BMP2K: variants seen among roughly 807,000 people sequenced by gnomAD.
The protein encoded by BMP2K is BMP-2-inducible protein kinase.
A neutral mutation model predicts 116.0 loss-of-function variants in BMP2K; 74 were observed. The ratio of observed to expected loss-of-function variants is 0.64; its 90% CI spans 0.53 to 0.77. The LOEUF (loss-of-function observed/expected upper bound fraction) is 0.77. Among genes scored for constraint, BMP2K ranks in the 30% least tolerant of loss-of-function variants. The pLI, the probability that BMP2K is intolerant of heterozygous loss-of-function variation, is 0.00. For missense variants in BMP2K, 1,365 were observed against 1,403.6 expected, an observed-to-expected ratio of 0.97 and a Z score of 0.44; for synonymous variants, 486 against 502.5, an observed-to-expected ratio of 0.97 and a Z score of 0.44.
At chr4:78,783,926 A>C (rs1364111848) in intron 1 of BMP2K, among the ~76,000 whole-genome samples, 1 of 152,232 alleles carries the variant, frequency 6.6e-6, no homozygotes, top group African/African-American at 2.4e-5. Flanking sequence ...TGACATTCTC[A>C]TGCTGGGCAG....
At chr4:78,859,281 T>C (rs1005797657) in intron 7 of BMP2K, 2 of 211,370 alleles carry the variant, frequency 9.5e-6, no homozygotes, top group African/African-American at 4.6e-5. Flanking sequence ...CTTGAATAAT[T>C]CCCCAGTGTT....
chr4:78,900,225 G>T (rs2110093279), intron 15 of BMP2K, among the ~76,000 whole-genome samples: 1 of 152,236 alleles, frequency 6.6e-6, no homozygotes, highest in Admixed American at 6.5e-5. Context: ...TTCTCTTTAA[G>T]AATACAGTGT....
chr4:78,838,015 G>A (rs572894541), intron 3 of BMP2K, among the ~76,000 whole-genome samples: 3 of 152,212 alleles, frequency 2.0e-5, no homozygotes, highest in South Asian at 2.1e-4. Flanking sequence ...AGACGTACTC[G>A]AGACAGGGCA....
At chr4:78,885,982 T>A (rs1733058081) in intron 14 of BMP2K, among the ~76,000 whole-genome samples, 1 of 152,180 alleles carries the variant, frequency 6.6e-6, no homozygotes, top group Non-Finnish European at 1.5e-5. Flanking sequence ...AATGTGTTAT[T>A]GACTGTTATA....
chr4:78,850,938 A>G lies in BMP2K; in HGVS notation c.765A>G (p.Leu255=). Reference sequence around the variant, plus strand: ...TTGGTTTACAGGCACTGGGATGTCTACTCTATAAACTTTGTTTCTTCACTC... The same window carrying G: ...TTGGTTTACAGGCACTGGGATGTCTGCTCTATAAACTTTGTTTCTTCACTC... ...TKADIWALGC[L]LYKLCFFTLP... is the part of the protein sequence containing the mutation. Residue 255 remains leucine (L), a synonymous_variant, in exon 7 of 16, where the codon CTA becomes CTG. Coordinates refer to ENST00000502613, the MANE Select transcript of BMP2K (RefSeq NM_198892.2). 6.2e-7 allele frequency: 1 copy of G among 1,611,692 alleles called. No homozygotes were observed. The highest frequency in any genetic ancestry group is 8.5e-7 in the Non-Finnish European group (1 of 1,178,580).
intron 13 of BMP2K, among the ~76,000 whole-genome samples, chr4:78,877,468 A>G (rs1446532031): frequency 2.0e-5 from 3 of 152,038 alleles, no homozygotes; most frequent in Non-Finnish European, 4.4e-5. Flanking sequence ...CCGGGCCTAC[A>G]CAAGATGTGG....
At chr4:78,861,995 A>G (rs970161489) in intron 9 of BMP2K, among the ~76,000 whole-genome samples, 1 of 151,916 alleles carries the variant, frequency 6.6e-6, no homozygotes, top group African/African-American at 2.4e-5. Context: ...ATGTAAGTTA[A>G]GACTGAATCT....
chr4:78,892,323 TAAAG>T lies in BMP2K; in HGVS notation c.2062+5043_2062+5046del, dbSNP rs950635700. ...TTGTAAATTTTGAAATTTATATTTTTAAAGAAATTTGTACATTTCACTTGAGATA... is the reference window on the plus strand; with the variant it reads ...TTGTAAATTTTGAAATTTATATTTTTAAATTTGTACATTTCACTTGAGATA... On this transcript the variant is annotated intron_variant, in intron 15 of 15. Transcript: ENST00000502613. Among the ~76,000 whole-genome samples the T allele has an allele frequency of 5.3e-5, 8 of 152,218 alleles. No homozygotes were observed. The South Asian group carries it at 6.2e-4, about 12-fold the overall frequency.
Position 78,911,152 on chromosome 4 carries a change from C to T in BMP2K, c.2605C>T (p.Gln869Ter). Residue 869 changes from glutamine to a stop codon, truncating the protein, a stop_gained, in exon 16 of 16, where the codon CAA becomes TAA. Coordinates refer to ENST00000502613, the MANE Select transcript of BMP2K (RefSeq NM_198892.2). LOFTEE classifies it high-confidence loss of function. ...GAVPFFAVRAQQPQQEKNEKN... is the reference protein window; with the variant it reads ...GAVPFFAVRA ...TGTCCCCTTCTTTGCAGTGCGTGCT[C>T]AACAGCCCCAGCAAGAAAAGAATGA... 1 of 1,613,908 alleles carries T rather than the reference C, an allele frequency of 6.2e-7. No individual in the cohort carries two copies. Among genetic ancestry groups the T allele is most frequent in the Non-Finnish European group, 8.5e-7 (1 of 1,179,862 alleles).
At chr4:78,895,925 C>CTAATTTTT (rs1733678628) in intron 15 of BMP2K, among the ~76,000 whole-genome samples, 1 of 151,974 alleles carries the variant, frequency 6.6e-6, no homozygotes, top group African/African-American at 2.4e-5. Context: ...CCTCGCCCAG[C>CTAATTTTT]TAATTTTTTA....
At chr4:78,783,465 C>CA (rs1727599929) in intron 1 of BMP2K, among the ~76,000 whole-genome samples, 1 of 152,022 alleles carries the variant, frequency 6.6e-6, no homozygotes, top group Non-Finnish European at 1.5e-5. Flanking sequence ...TTCAGTATTC[C>CA]AAAAAAACAG....
At chr4:78,879,277 T>C (rs1395021990) in intron 14 of BMP2K, 1 of 1,003,606 alleles carries the variant, frequency 1.0e-6, no homozygotes, top group East Asian at 1.1e-4. Context: ...ATAGAAAATA[T>C]TGTGGGTCTG....
intron 14 of BMP2K, among the ~76,000 whole-genome samples, chr4:78,881,684 C>T (rs1330627781): frequency 2.0e-5 from 3 of 152,034 alleles, no homozygotes; most frequent in African/African-American, 7.2e-5. Context: ...AGACCTCTTC[C>T]AGAACCTTCA....
chr4:78,870,871 A>G lies in BMP2K; in HGVS notation c.1320A>G (p.Gln440=). The change falls in exon 11 of 16, where the codon CAA becomes CAG. Residue 440 remains glutamine (Q), a synonymous_variant. Coordinates refer to ENST00000502613, the MANE Select transcript of BMP2K (RefSeq NM_198892.2). ...CACAGCAGCATAGAGTACTCCAGCA[A>G]CTACAGCAGGGAGATTGGAGATTAC... ...QPPQQHRVLQ[Q]LQQGDWRLQQ... 1 of 1,613,812 alleles carries G rather than the reference A, an allele frequency of 6.2e-7. No homozygotes were observed. The highest frequency in any genetic ancestry group is 1.1e-5 in the South Asian group (1 of 91,062).
At chr4:78,883,759 A>C (rs1000846927) in intron 14 of BMP2K, among the ~76,000 whole-genome samples, 1 of 152,170 alleles carries the variant, frequency 6.6e-6, no homozygotes, top group South Asian at 2.1e-4. Flanking sequence ...TTATTATAGT[A>C]GTGGTTTAAA....
chr4:78,891,187 T>G (rs1577964640), intron 15 of BMP2K, among the ~76,000 whole-genome samples: 1 of 152,334 alleles, frequency 6.6e-6, no homozygotes, highest in East Asian at 1.9e-4. Context: ...TATTTTAGCT[T>G]CTCATATTTC....
intron 1 of BMP2K, among the ~76,000 whole-genome samples, chr4:78,806,892 A>G (rs189803255): frequency 1.7e-3 from 254 of 148,174 alleles, no homozygotes; most frequent in Non-Finnish European, 2.5e-3. Flanking sequence ...TCTTTTACTC[A>G]GGCTGGAGTG....
At chr4:78,802,227 CTT>C (rs1392728226) in intron 1 of BMP2K, among the ~76,000 whole-genome samples, 3 of 152,196 alleles carry the variant, frequency 2.0e-5, no homozygotes, top group African/African-American at 2.4e-5. Flanking sequence ...TGGGTCTAGA[CTT>C]TATGTGGTGA....
chr4:78,814,090 A>G (rs1225649990), intron 1 of BMP2K, among the ~76,000 whole-genome samples: 1 of 152,230 alleles, frequency 6.6e-6, no homozygotes, highest in Non-Finnish European at 1.5e-5. Context: ...GGGACTTGGA[A>G]TGAGATGAAA....
Sources: gnomAD v4.1 joint callset for allele counts (sites outside exome capture counted in the v4.1 genomes callset) on GRCh38, gnomAD v4.1.1 for gene constraint, MANE v1.5 for transcripts, NCBI Gene and HGNC (gene_info 2026-07-23, HGNC 2026-07-21) for gene names.